The following NBPF20 variants were observed in gnomAD, a reference collection of about 807,000 sequenced individuals.
The protein encoded by NBPF20 is NBPF family member NBPF20.
NBPF20 carries 90 observed loss-of-function variants against 68.1 expected under a neutral mutation model. The ratio of observed to expected loss-of-function variants is 1.32; its 90% CI spans 1.11 to 1.58. The LOEUF (loss-of-function observed/expected upper bound fraction) is 1.58. Among genes scored for constraint, NBPF20 ranks in the 40% most tolerant of loss-of-function variants. The probability of loss-of-function intolerance (pLI) is 0.00; values close to 1 mark genes in which losing one functional copy is unlikely to be tolerated. For missense variants in NBPF20, 816 were observed against 601.2 expected, an observed-to-expected ratio of 1.36 and a Z score of -3.74; for synonymous variants, 290 against 228.1, an observed-to-expected ratio of 1.27 and a Z score of -2.45.
At chr1:145,417,830 C>A in the NBPF20 span, among the ~76,000 whole-genome samples, 3 of 140,616 alleles carry the variant, frequency 2.1e-5, no homozygotes, top group Non-Finnish European at 4.6e-5. Context: ...GAGGAACAAC[C>A]AGAACTCTCC....
exon 62 of NBPF20, chr1:145,352,067 C>T (rs1661646612): frequency 2.3e-5 from 1 of 44,278 alleles, no homozygotes; most frequent in East Asian, 4.6e-4. Flanking sequence ...GGCTCTACTA[C>T]CTCCAGCAGC....
intron 2 of NBPF20, among the ~76,000 whole-genome samples, chr1:145,404,516 C>A (rs587616127): frequency 2.0e-5 from 3 of 152,128 alleles, no homozygotes; most frequent in Admixed American, 6.5e-5. Context: ...CTCAGCCTCC[C>A]AAAGTGCTGA....
chr1:145,399,516 T>TAA (rs1322523671), intron 6 of NBPF20, among the ~76,000 whole-genome samples: 2 of 148,156 alleles, frequency 1.3e-5, no homozygotes, highest in Non-Finnish European at 3.0e-5. Context: ...ACTCTTGCTT[T>TAA]AAAAAGAATC....
chr1:145,366,506 A>G (rs1661695099), intron 43 of NBPF20, among the ~76,000 whole-genome samples, 154 bp from the exon 49 acceptor site: 1 of 74,910 alleles, frequency 1.3e-5, no homozygotes, highest in Non-Finnish European at 2.6e-5. Context: ...ATGTTGGGAC[A>G]GAACAGGGCC....
At position 145,292,062 on chromosome 1, in the gene NBPF20, T is replaced by G. The variant is rs146466101; in HGVS notation, c.16698-293A>C. The stretch of plus-strand genomic sequence containing the variant: ...GGAGTCAAAGGACACTCTGAGTTAG[T>G]GTCCTCATGACACACAGCAAACTGT... On this transcript the variant is annotated intron_variant, in intron 137 of 137. Coordinates refer to ENST00000369373, the Ensembl canonical transcript of NBPF20. Among the ~76,000 whole-genome samples, 449 of 149,362 alleles carry G rather than the reference T, an allele frequency of 3.0e-3. 6 individuals carry two copies. The highest frequency in any genetic ancestry group is 5.1e-3 in the Non-Finnish European group (347 of 68,006).
chr1:145,372,424 G>C, intron 36 of NBPF20, 88 bp downstream of exon 41: 2 of 266,496 alleles, frequency 7.5e-6, no homozygotes, highest in South Asian at 5.3e-5. Context: ...GACATCTCTC[G>C]GGTCAGTAAG....
exon 138 of NBPF20, chr1:145,289,983 A>C (rs1210624037): frequency 6.9e-6 from 1 of 144,878 alleles, no homozygotes; most frequent in Non-Finnish European, 1.5e-5. Flanking sequence ...CTGAATGTAA[A>C]AAACAATCCA....
At chr1:145,292,231 A>C in intron 137 of NBPF20, 150 bp downstream of exon 142, 2 of 680,012 alleles carry the variant, frequency 2.9e-6, no homozygotes, top group Non-Finnish European at 5.2e-6. Flanking sequence ...GGAAACCTAA[A>C]CATCTACTGC....
chr1:145,394,717 T>A (rs1317453664), intron 8 of NBPF20, among the ~76,000 whole-genome samples: 1 of 151,934 alleles, frequency 6.6e-6, no homozygotes, highest in Admixed American at 6.5e-5. Flanking sequence ...TTGCCACACC[T>A]GCCTTGAGTT....
intron 8 of NBPF20, 57 bp downstream of exon 13, chr1:145,394,921 T>A (rs1252495824): frequency 0.027 from 43,775 of 1,601,330 alleles, 610 homozygotes; most frequent in Non-Finnish European, 0.034. Context: ...CCAAAGATTA[T>A]GGGGTCTACC....
chr1:145,393,760 G>T (rs1553662927), intron 9 of NBPF20, 124 bp downstream of exon 14: 43 of 1,505,896 alleles, frequency 2.9e-5, no homozygotes, highest in African/African-American at 2.5e-4. Flanking sequence ...AAGCAATGTA[G>T]TAGGCATAAT....
intron 9 of NBPF20, 58 bp downstream of exon 14, chr1:145,393,826 G>C: frequency 1.6e-6 from 2 of 1,265,940 alleles, no homozygotes; most frequent in Admixed American, 3.4e-5. Flanking sequence ...GTTTTCCCTG[G>C]ACTTGGCATC....
At chr1:145,397,166 C>T (rs1323288331) in intron 7 of NBPF20, among the ~76,000 whole-genome samples, 1 of 147,298 alleles carries the variant, frequency 6.8e-6, no homozygotes, top group Non-Finnish European at 1.5e-5. Context: ...TCCAGTCTAT[C>T]ATTGCTGGAT....
chr1:145,393,729 T>G (rs1415645436), intron 9 of NBPF20, 155 bp downstream of exon 14: 25 of 1,505,994 alleles, frequency 1.7e-5, no homozygotes, highest in South Asian at 3.4e-5. Context: ...AACCTAAACA[T>G]GTACTCTAAT....
exon 138 of NBPF20, chr1:145,291,725 T>C (rs781900543): frequency 3.1e-6 from 5 of 1,611,942 alleles, no homozygotes; most frequent in South Asian, 2.2e-5. Flanking sequence ...CAGTGAGTCC[T>C]GTAAGACTTC....
chr1:145,292,021 G>A (rs1164638477), intron 137 of NBPF20, among the ~76,000 whole-genome samples: 1 of 149,700 alleles, frequency 6.7e-6, no homozygotes, highest in Non-Finnish European at 1.5e-5. Flanking sequence ...AATTGCCCAG[G>A]TGACATACTG....
chr1:145,396,754 G>GTATATA (rs1195769236), intron 7 of NBPF20, among the ~76,000 whole-genome samples: 21 of 142,612 alleles, frequency 1.5e-4, no homozygotes, highest in Non-Finnish European at 3.2e-4. Flanking sequence ...TTGTGTGTAT[G>GTATATA]TATATATATA....
At chr1:145,397,337 T>C (rs1571367028) in intron 7 of NBPF20, among the ~76,000 whole-genome samples, 5 of 152,226 alleles carry the variant, frequency 3.3e-5, no homozygotes, top group African/African-American at 1.2e-4. Flanking sequence ...CCCTGAGGAA[T>C]TGTCACACTG....
chr1:145,292,430 T>C (rs782079098), exon 137 of NBPF20: 2 of 703,824 alleles, frequency 2.8e-6, no homozygotes, highest in East Asian at 5.0e-5. Context: ...CTTCCCCTTC[T>C]TCTTTTCTTC....
Sources: allele counts gnomAD v4.1 joint callset (sites outside exome capture counted in the v4.1 genomes callset), GRCh38; gene constraint gnomAD v4.1.1; transcripts MANE v1.5; gene names NCBI Gene and HGNC (gene_info 2026-07-23, HGNC 2026-07-21).